BARX2: variants seen among roughly 807,000 people sequenced by gnomAD.
The protein encoded by BARX2 is BARX homeobox 2.
Under a neutral mutation model 25.5 loss-of-function variants are expected in BARX2, and 11 were observed. The ratio of observed to expected loss-of-function variants is 0.43; its 90% CI spans 0.27 to 0.71. The LOEUF is 0.71. Ranked by LOEUF, BARX2 falls within the 30% of genes least tolerant of loss-of-function variation. The pLI, the probability that BARX2 is intolerant of heterozygous loss-of-function variation, is 0.19. For missense variants in BARX2, 360 were observed against 359.9 expected (o/e 1.00, Z 0.00); for synonymous variants, 137 against 149.5 (o/e 0.92, Z 0.61).
At chr11:129,438,593 C>G (rs985648717) in intron 2 of BARX2, among the ~76,000 whole-genome samples, 1 of 152,190 alleles carries the variant, frequency 6.6e-6, no homozygotes, top group African/African-American at 2.4e-5. Context: ...CTGCATATCA[C>G]CGACTAAAAG....
intron 1 of BARX2, among the ~76,000 whole-genome samples, chr11:129,389,869 G>C (rs1030706553): frequency 6.6e-5 from 10 of 152,100 alleles, no homozygotes; most frequent in African/African-American, 2.4e-4. Flanking sequence ...GTATATTATT[G>C]GGTCTGTGAT....
At chr11:129,448,085 A>G (rs559310896) in intron 3 of BARX2, among the ~76,000 whole-genome samples, 1 of 152,334 alleles carries the variant, frequency 6.6e-6, no homozygotes, top group East Asian at 1.9e-4. Flanking sequence ...GCAGAGTTTT[A>G]GCTAAAAGGA....
intron 1 of BARX2, among the ~76,000 whole-genome samples, chr11:129,413,378 G>T (rs1861909748): frequency 1.3e-5 from 2 of 152,214 alleles, no homozygotes; most frequent in Non-Finnish European, 2.9e-5. Flanking sequence ...ACCAGAGTCG[G>T]CAGCAGAGAG....
chr11:129,439,616 A>T (rs6590387), intron 2 of BARX2, among the ~76,000 whole-genome samples: 54,513 of 152,112 alleles, frequency 0.36, 10,751 homozygotes, highest in African/African-American at 0.53. Context: ...GAACTGAAGT[A>T]GGAAGACAGA....
At chr11:129,408,488 T>G (rs1328283970) in intron 1 of BARX2, among the ~76,000 whole-genome samples, 1 of 152,224 alleles carries the variant, frequency 6.6e-6, no homozygotes, top group Non-Finnish European at 1.5e-5. Flanking sequence ...GTTTTGTTCC[T>G]GCATGACCTG....
intron 1 of BARX2, among the ~76,000 whole-genome samples, chr11:129,399,618 C>G (rs561530245): frequency 6.6e-6 from 1 of 152,244 alleles, no homozygotes; most frequent in South Asian, 2.1e-4. Flanking sequence ...ATTGAAGTGG[C>G]AGTGTACAGC....
intron 1 of BARX2, among the ~76,000 whole-genome samples, chr11:129,429,514 G>A (rs60430920): frequency 0.13 from 19,482 of 152,058 alleles, 1,258 homozygotes; most frequent in East Asian, 0.17. Context: ...GGCAGAGGGA[G>A]ACCCTGTCTC....
At chr11:129,434,920 A>G (rs1181087102) in intron 1 of BARX2, among the ~76,000 whole-genome samples, 1 of 152,234 alleles carries the variant, frequency 6.6e-6, no homozygotes, top group Non-Finnish European at 1.5e-5. Flanking sequence ...CAAAAGAGAA[A>G]GGTGATACAA....
chr11:129,417,659 T>C (rs771109030), intron 1 of BARX2, among the ~76,000 whole-genome samples: 6 of 150,970 alleles, frequency 4.0e-5, no homozygotes, highest in African/African-American at 7.3e-5. Flanking sequence ...TCAGAGTCTG[T>C]GTTGGTTGTT....
At chr11:129,435,774 G>T (rs1298955624) in intron 1 of BARX2, among the ~76,000 whole-genome samples, 1 of 152,226 alleles carries the variant, frequency 6.6e-6, no homozygotes, top group Non-Finnish European at 1.5e-5. Flanking sequence ...TTTAAGCTCT[G>T]TGTTGAATAA....
intron 1 of BARX2, among the ~76,000 whole-genome samples, chr11:129,394,500 T>C (rs1861698225): frequency 6.6e-6 from 1 of 152,118 alleles, no homozygotes; most frequent in African/African-American, 2.4e-5. Context: ...ATGAAGTGGG[T>C]TTATTTTTAG....
In BARX2 at chr11:129,451,527, C is replaced by A; in HGVS notation, c.*125C>A. On this transcript the variant is annotated 3_prime_UTR_variant, in exon 4 of 4. Coordinates refer to ENST00000281437, the MANE Select transcript of BARX2 (RefSeq NM_003658.5). Reference sequence around the variant, plus strand: ...GCGGGCGAAGAGATCTACCCGTCTCCCTCCCTCCCACAGTTACCATTGGCC... The same window carrying A: ...GCGGGCGAAGAGATCTACCCGTCTCACTCCCTCCCACAGTTACCATTGGCC... 8.8e-7 allele frequency: 1 copy of A among 1,131,692 alleles called. No individual in the cohort carries two copies. The highest frequency in any genetic ancestry group is 1.2e-6 in the Non-Finnish European group (1 of 817,138). The allele number at this position is 1,131,692 out of a possible 1,614,324, so 70.1% of individuals were successfully genotyped here.
At chr11:129,377,819 G>A (rs766089900) in intron 1 of BARX2, among the ~76,000 whole-genome samples, 4 of 152,142 alleles carry the variant, frequency 2.6e-5, no homozygotes, top group Non-Finnish European at 4.4e-5. Context: ...GCCTAGTGCC[G>A]GCAGAATTTT....
In BARX2 at chr11:129,451,694, C is replaced by T; in HGVS notation, c.*292C>T. 2.4e-6 allele frequency: 1 copy of T among 417,876 alleles called. No individual in the cohort carries two copies. Among genetic ancestry groups the T allele is most frequent in the East Asian group, 4.3e-5 (1 of 23,526 alleles). 25.9% of individuals were successfully genotyped at this position (417,876 alleles called of 1,614,324 possible). A position where few individuals can be genotyped will look rare whatever the true frequency, so the allele number is the denominator to read the frequency against. On this transcript the variant is annotated 3_prime_UTR_variant, in exon 4 of 4. Transcript: ENST00000281437. ...CCCAGCTGGGGTGACGGCTGTAGGG[C>T]TGGGTCTATGTTGCAAGCCCTATAT...
At position 129,436,944 on chromosome 11, in the gene BARX2, G is replaced by GC; in HGVS notation, c.385dup (p.Arg129ProfsTer66). 6.2e-7 allele frequency: 1 copy of GC among 1,613,020 alleles called. No individual in the cohort carries two copies. The highest frequency in any genetic ancestry group is 1.1e-5 in the South Asian group (1 of 90,938). ...GCGAGTCAGAGACGGAACAGCCCAC[G>GC]CCCCGACAGAAGAAGCCCCGCCGGA... On this transcript the variant is annotated frameshift_variant, in exon 2 of 4. Transcript: ENST00000281437. LOFTEE classifies it high-confidence loss of function. This position sits in a 1 kb window ranked among gnomAD's most constrained non-coding sequence, Gnocchi z 4.5.
At chr11:129,445,852 C>T (rs1862320532) in intron 3 of BARX2, among the ~76,000 whole-genome samples, 1 of 151,744 alleles carries the variant, frequency 6.6e-6, no homozygotes, top group African/African-American at 2.4e-5. Context: ...CTGATTGCTT[C>T]ATCTAGTTTC....
intron 1 of BARX2, among the ~76,000 whole-genome samples, chr11:129,435,892 T>G (rs1285128800): frequency 6.6e-6 from 1 of 152,202 alleles, no homozygotes; most frequent in Non-Finnish European, 1.5e-5. Flanking sequence ...ATAACTGGTA[T>G]GTATGCCACC....
intron 1 of BARX2, among the ~76,000 whole-genome samples, chr11:129,380,657 C>T (rs910114784): frequency 6.6e-6 from 1 of 152,152 alleles, no homozygotes; most frequent in Non-Finnish European, 1.5e-5. Flanking sequence ...AACTGCTTCT[C>T]CTGTTCCCAT....
intron 1 of BARX2, among the ~76,000 whole-genome samples, chr11:129,426,125 T>C (rs551116700): frequency 2.6e-5 from 4 of 151,884 alleles, no homozygotes; most frequent in African/African-American, 7.2e-5. Context: ...CTGTAGAGAG[T>C]GCATCTGTTT....
Sources: allele counts gnomAD v4.1 joint callset (sites outside exome capture counted in the v4.1 genomes callset), GRCh38; gene constraint gnomAD v4.1.1; non-coding constraint Gnocchi (gnomAD v3.1); transcripts MANE v1.5; gene names NCBI Gene and HGNC (gene_info 2026-07-23, HGNC 2026-07-21).